The following PRKDC variants were observed in gnomAD, a reference collection of about 807,000 sequenced individuals.
PRKDC encodes the protein DNA-dependent protein kinase catalytic subunit.
Under a neutral mutation model 486.9 loss-of-function variants are expected in PRKDC, and 82 were observed. That is an observed-to-expected ratio of 0.17 (90% CI 0.14 to 0.20). PRKDC has a LOEUF of 0.20. Among genes scored for constraint, PRKDC ranks in the 10% least tolerant of loss-of-function variants. PRKDC has a pLI of 1.00. For missense variants in PRKDC, 4,504 were observed against 5,038.2 expected (o/e 0.89, Z 3.21); for synonymous variants, 1,895 against 1,837.0 (o/e 1.03, Z -0.81).
At chr8:47,924,369 G>A (rs1370143229) in intron 21 of PRKDC, among the ~76,000 whole-genome samples, 1 of 152,032 alleles carries the variant, frequency 6.6e-6, no homozygotes, top group Non-Finnish European at 1.5e-5. Context: ...GACCAGTCTG[G>A]TCAACATAGT....
At chr8:47,786,847 A>G (rs2086800693) in intron 76 of PRKDC, among the ~76,000 whole-genome samples, 1 of 139,866 alleles carries the variant, frequency 7.1e-6, no homozygotes, top group Admixed American at 8.1e-5. Context: ...CTCTTGCCTC[A>G]CCCTCCTGAG....
intron 13 of PRKDC, 111 bp downstream of exon 13, chr8:47,935,621 A>C (rs2090336772): frequency 1.6e-6 from 2 of 1,261,878 alleles, no homozygotes; most frequent in East Asian, 5.0e-5. Context: ...AGGAGTTCAA[A>C]AGTTGTGTCA....
chr8:47,774,157 C>T lies in PRKDC; in HGVS notation c.*16G>A, dbSNP rs1432340081. Reference sequence around the variant, plus strand: ...TAAACAATGTAATGCTTTCTATCTGCAGACTCCCACAGACCTCACATCCAG... The same window carrying T: ...TAAACAATGTAATGCTTTCTATCTGTAGACTCCCACAGACCTCACATCCAG... On this transcript the variant is annotated 3_prime_UTR_variant, in exon 86 of 86. Coordinates refer to ENST00000314191, the MANE Select transcript of PRKDC (RefSeq NM_006904.7). 2 of 1,557,688 alleles carry T rather than the reference C, an allele frequency of 1.3e-6. No homozygotes were observed. Among genetic ancestry groups the T allele is most frequent in the South Asian group, 1.2e-5 (1 of 84,396 alleles).
intron 5 of PRKDC, 87 bp from the exon 6 acceptor site, chr8:47,954,006 A>C (rs1385253236): frequency 1.3e-6 from 1 of 746,486 alleles, no homozygotes; most frequent in Non-Finnish European, 2.1e-6. Flanking sequence ...AAATAAAATA[A>C]AATAAAGTTC....
In PRKDC at chr8:47,929,965, T is replaced by A; in HGVS notation, c.1940A>T (p.Tyr647Phe). 1 of 1,610,066 alleles carries A rather than the reference T, an allele frequency of 6.2e-7. No individual in the cohort carries two copies. Among genetic ancestry groups the A allele is most frequent in the Non-Finnish European group, 8.5e-7 (1 of 1,178,704 alleles). ...KQAEFFEPWV[Y>F]SFSYELILQS... ...CAAAATTAATTCATATGAAAATGAGTACACCCATGGTTCAAAAAATTCTGC... is the reference window on the plus strand; with the variant it reads ...CAAAATTAATTCATATGAAAATGAGAACACCCATGGTTCAAAAAATTCTGC... The change falls in exon 18 of 86, where the codon TAC becomes TTC. Residue 647 changes from tyrosine (Y) to phenylalanine (F), a missense_variant. Tyr to Phe is a conservative substitution (Grantham distance 22, BLOSUM62 3). Transcript: ENST00000314191.
chr8:47,804,687 G>A (rs2087182864), intron 69 of PRKDC, among the ~76,000 whole-genome samples: 1 of 152,162 alleles, frequency 6.6e-6, no homozygotes, highest in South Asian at 2.1e-4. Context: ...GAATTTCCAT[G>A]TGAGCTTAAG....
intron 74 of PRKDC, 84 bp from the exon 75 acceptor site, chr8:47,789,322 T>A: frequency 2.3e-6 from 1 of 444,150 alleles, no homozygotes; most frequent in Non-Finnish European, 3.5e-6. Context: ...CATATATAAG[T>A]TATATATTAT....
At chr8:47,918,223 T>C in intron 22 of PRKDC, 54 bp downstream of exon 22, 1 of 1,192,922 alleles carries the variant, frequency 8.4e-7, no homozygotes, top group Non-Finnish European at 1.2e-6. Context: ...TCACAAGTGT[T>C]AGAATCTGAT....
At chr8:47,892,370 G>A (rs1016486381) in intron 31 of PRKDC, among the ~76,000 whole-genome samples, 2 of 151,934 alleles carry the variant, frequency 1.3e-5, no homozygotes, top group East Asian at 1.9e-4. Context: ...TCACTCTATC[G>A]CCCAGGCTAG....
chr8:47,795,425 G>A (rs1276977537), intron 73 of PRKDC, among the ~76,000 whole-genome samples: 1 of 151,258 alleles, frequency 6.6e-6, no homozygotes, highest in Non-Finnish European at 1.5e-5. Flanking sequence ...TCGTGACCTC[G>A]TGATCGGCCC....
chr8:47,844,355 C>T (rs1489384088), intron 54 of PRKDC, among the ~76,000 whole-genome samples: 1 of 152,188 alleles, frequency 6.6e-6, no homozygotes, highest in Non-Finnish European at 1.5e-5. Flanking sequence ...AACTATACTA[C>T]ATATATAAGT....
At chr8:47,777,065 T>G (rs966617714) in intron 84 of PRKDC, 82 bp from the exon 85 acceptor site, 9 of 1,488,604 alleles carry the variant, frequency 6.0e-6, no homozygotes, top group Non-Finnish European at 1.8e-6. Context: ...CTAGTAATGA[T>G]CTTAAAGTAA....
chr8:47,787,640 C>G (rs1305945127), intron 76 of PRKDC, among the ~76,000 whole-genome samples: 2 of 152,192 alleles, frequency 1.3e-5, no homozygotes, highest in Admixed American at 6.5e-5. Context: ...CAGGCTTGGG[C>G]AGGATCAGGT....
Position 47,806,021 on chromosome 8 carries a change from C to T in PRKDC, c.9747+1116G>A, listed in dbSNP as rs554378279. 2.0e-5 allele frequency among the ~76,000 whole-genome samples: 3 copies of T among 152,296 alleles called. No homozygotes were observed. The East Asian group carries it at 5.8e-4, about 29-fold the overall frequency. ...CTGATCCCGGTAAGGATGCAGTCTCCCGCCCTCTGCAAACCCAGTGCCATC... is the reference window on the plus strand; with the variant it reads ...CTGATCCCGGTAAGGATGCAGTCTCTCGCCCTCTGCAAACCCAGTGCCATC... On this transcript the variant is annotated intron_variant, in intron 69 of 85. Transcript: ENST00000314191.
intron 58 of PRKDC, among the ~76,000 whole-genome samples, chr8:47,835,521 G>T (rs2087995425): frequency 6.8e-6 from 1 of 146,604 alleles, no homozygotes; most frequent in South Asian, 2.2e-4. Context: ...GGAGGCTGAG[G>T]CAGAGGAATC....
chr8:47,837,517 C>T (rs965345337), intron 56 of PRKDC, 98 bp from the exon 57 acceptor site: 2 of 923,130 alleles, frequency 2.2e-6, no homozygotes, highest in African/African-American at 1.7e-5. Context: ...CAGCTCTTCA[C>T]CCACATGAAG....
chr8:47,858,962 C>G lies in PRKDC; in HGVS notation c.6232G>C (p.Asp2078His). Reference sequence around the variant, plus strand: ...TCCATCTCCAGCTCCAGCACATCATCATGCACCGTGGGGTCCCGCTGCTCC... The same window carrying G: ...TCCATCTCCAGCTCCAGCACATCATGATGCACCGTGGGGTCCCGCTGCTCC... Reference protein sequence around the residue: ...RREQRDPTVHDDVLELEMDEL... With the variant: ...RREQRDPTVHHDVLELEMDEL... Residue 2078 changes from aspartate to histidine, a missense_variant, in exon 47 of 86, where the codon GAT becomes CAT. Transcript: ENST00000314191. 1 of 1,613,462 alleles carries G rather than the reference C, an allele frequency of 6.2e-7. No individual in the cohort carries two copies. Among genetic ancestry groups the G allele is most frequent in the African/African-American group, 1.3e-5 (1 of 75,018 alleles).
chr8:47,831,911 G>C lies in PRKDC; in HGVS notation c.8168C>G (p.Thr2723Arg), dbSNP rs773782088. Residue 2723 changes from threonine to arginine, a missense_variant, in exon 60 of 86, where the codon ACG becomes AGG. Around this residue, in one of 6 missense-constraint regions of PRKDC, gnomAD observed 1,592 missense variants for 1,724.6 expected, o/e 0.92. Transcript: ENST00000314191. ...DNKVKGAAGR[T>R]DLLRLRRRFM... Reference sequence around the variant, plus strand: ...CCGTCTGCGCAGTCGTAGTAGGTCCGTCCGGCCGGCCGCACCTGGAGAGGG... The same window carrying C: ...CCGTCTGCGCAGTCGTAGTAGGTCCCTCCGGCCGGCCGCACCTGGAGAGGG... 1 of 1,612,502 alleles carries C rather than the reference G, an allele frequency of 6.2e-7. No individual in the cohort carries two copies. The highest frequency in any genetic ancestry group is 8.5e-7 in the Non-Finnish European group (1 of 1,178,802).
At position 47,844,764 on chromosome 8, in the gene PRKDC, A is replaced by G. The variant is rs111496115; in HGVS notation, c.7280+4390T>C. On this transcript the variant is annotated intron_variant, in intron 54 of 85. Transcript: ENST00000314191. ...AAAACCATACAATTACATAAAAATT[A>G]AACAACCTACTCCTAAATGACTATT... is the stretch of plus-strand genomic sequence containing the variant. Among the ~76,000 whole-genome samples the G allele has an allele frequency of 9.9e-3, 1,511 of 152,372 alleles. 27 individuals carry two copies. Among genetic ancestry groups the G allele is most frequent in the African/African-American group, 0.034 (1,396 of 41,586 alleles).
Sources: allele counts gnomAD v4.1 joint callset (sites outside exome capture counted in the v4.1 genomes callset), GRCh38; gene constraint gnomAD v4.1.1; regional missense constraint gnomAD v4.1.1; transcripts MANE v1.5; gene names NCBI Gene and HGNC (gene_info 2026-07-23, HGNC 2026-07-21).